The following MACROD2 variants were observed in gnomAD, a reference collection of about 807,000 sequenced individuals.
MACROD2 encodes the protein mono-ADP ribosylhydrolase 2.
Under a neutral mutation model 70.4 loss-of-function variants are expected in MACROD2, and 36 were observed. The ratio of observed to expected loss-of-function variants is 0.51; its 90% CI spans 0.39 to 0.68. The LOEUF is 0.68. MACROD2 is among the 30% of genes least tolerant of loss of function. MACROD2 has a pLI of 0.00. For missense variants in MACROD2, 496 were observed against 538.4 expected (o/e 0.92, Z 0.78); for synonymous variants, 172 against 178.8 (o/e 0.96, Z 0.30).
chr20:15,669,890 A>C (rs2049955631), intron 8 of MACROD2, among the ~76,000 whole-genome samples: 1 of 152,208 alleles, frequency 6.6e-6, no homozygotes, highest in South Asian at 2.1e-4. Context: ...GTTTTCCTTT[A>C]TAAACACGTA....
At chr20:14,468,719 C>T (rs1382058284) in intron 3 of MACROD2, among the ~76,000 whole-genome samples, 1 of 152,028 alleles carries the variant, frequency 6.6e-6, no homozygotes, top group East Asian at 1.9e-4. Flanking sequence ...ATCATGTTGA[C>T]CAGGCTGGTC....
chr20:15,318,151 G>T (rs2077834638), intron 6 of MACROD2, among the ~76,000 whole-genome samples: 1 of 152,040 alleles, frequency 6.6e-6, no homozygotes, highest in African/African-American at 2.4e-5. Context: ...TGAAAGTGGT[G>T]ACATTTCTAT....
chr20:14,656,265 A>C (rs1985970495), intron 4 of MACROD2, among the ~76,000 whole-genome samples: 1 of 152,196 alleles, frequency 6.6e-6, no homozygotes, highest in Non-Finnish European at 1.5e-5. Flanking sequence ...CACCCATTTT[A>C]TACTTCAGAG....
chr20:14,984,340 G>T (rs2074829553), intron 5 of MACROD2, among the ~76,000 whole-genome samples: 2 of 152,096 alleles, frequency 1.3e-5, no homozygotes, highest in Non-Finnish European at 2.9e-5. Context: ...AAAGGCAATA[G>T]GTTTTTGTTT....
intron 4 of MACROD2, among the ~76,000 whole-genome samples, chr20:14,618,400 T>TA (rs1186210202): frequency 6.6e-6 from 1 of 152,168 alleles, no homozygotes; most frequent in Non-Finnish European, 1.5e-5. Flanking sequence ...ACAAATTACT[T>TA]ACCTCTCAAT....
At chr20:14,455,788 A>G (rs2084294786) in intron 3 of MACROD2, among the ~76,000 whole-genome samples, 1 of 151,808 alleles carries the variant, frequency 6.6e-6, no homozygotes, top group South Asian at 2.1e-4. Flanking sequence ...TTAGTTTATA[A>G]AACTTAATCT....
intron 3 of MACROD2, among the ~76,000 whole-genome samples, chr20:14,166,534 T>A (rs1373949910): frequency 6.6e-6 from 1 of 152,208 alleles, no homozygotes; most frequent in Non-Finnish European, 1.5e-5. Flanking sequence ...TTAGTTTTAA[T>A]CCACAACTGA....
At chr20:15,595,099 A>G (rs1450665751) in intron 8 of MACROD2, among the ~76,000 whole-genome samples, 3 of 151,894 alleles carry the variant, frequency 2.0e-5, no homozygotes, top group African/African-American at 7.3e-5. Flanking sequence ...TTCTTTTTAC[A>G]TTTTCTTTTT....
chr20:15,881,054 G>A (rs148600947), intron 9 of MACROD2, among the ~76,000 whole-genome samples: 321 of 151,866 alleles, frequency 2.1e-3, no homozygotes, highest in Middle Eastern at 6.8e-3. Flanking sequence ...TTTCTATATC[G>A]TCCACTTTGT....
chr20:14,477,508 C>G (rs1354795575), intron 3 of MACROD2, among the ~76,000 whole-genome samples: 1 of 152,110 alleles, frequency 6.6e-6, no homozygotes, highest in Non-Finnish European at 1.5e-5. Flanking sequence ...AAGAATAGTT[C>G]CGTGTCCAAG....
At chr20:14,074,006 T>C (rs1471599967) in intron 2 of MACROD2, among the ~76,000 whole-genome samples, 1 of 152,196 alleles carries the variant, frequency 6.6e-6, no homozygotes, top group Non-Finnish European at 1.5e-5. Context: ...GAGAATCTCC[T>C]ATCCCAAATA....
intron 5 of MACROD2, among the ~76,000 whole-genome samples, chr20:15,018,764 C>T (rs2075141405): frequency 6.6e-6 from 1 of 152,146 alleles, no homozygotes; most frequent in South Asian, 2.1e-4. Flanking sequence ...ATCTGCCTTC[C>T]CCAGCCCACT....
Position 16,051,334 on chromosome 20 carries a change from T to C in MACROD2, c.*1458T>C, listed in dbSNP as rs548055624. 9.5e-4 allele frequency: 145 copies of C among 152,330 alleles called. No homozygotes were observed. Among genetic ancestry groups the C allele is most frequent in the African/African-American group, 3.4e-3 (142 of 41,590 alleles). The allele number at this position is 152,330 out of a possible 1,614,324, so 9.4% of individuals were successfully genotyped here. A position where few individuals can be genotyped will look rare whatever the true frequency, so the allele number is the denominator to read the frequency against. ...CTGCTTTCTAAATATCCCATCAAAA[T>C]CTTCAGTTTTGCACTTTTTTGATGG... is the stretch of plus-strand genomic sequence containing the variant. On this transcript the variant is annotated 3_prime_UTR_variant, in exon 18 of 18. Coordinates refer to ENST00000684519, the MANE Select transcript of MACROD2 (RefSeq NM_001351661.2).
chr20:15,486,011 T>C (rs1359541812), intron 7 of MACROD2, among the ~76,000 whole-genome samples: 3 of 152,216 alleles, frequency 2.0e-5, no homozygotes, highest in Non-Finnish European at 1.5e-5. Context: ...ATCCACTGTA[T>C]AGCAATTTGG....
At position 14,121,896 on chromosome 20, in the gene MACROD2, T is replaced by C. The variant is rs185844683; in HGVS notation, c.271+36168T>C. ...CTTCATTAATTTTATACCTCTTTTA[T>C]ATTGAAGTCTGTAATTGTTTGGTGT... On this transcript the variant is annotated intron_variant, in intron 3 of 17. Transcript: ENST00000684519. Among the ~76,000 whole-genome samples the C allele has an allele frequency of 6.6e-5, 10 of 152,310 alleles. No homozygotes were observed. The East Asian group carries it at 1.9e-3, about 29-fold the overall frequency.
intron 15 of MACROD2, among the ~76,000 whole-genome samples, chr20:16,024,196 G>C (rs1178698498): frequency 6.6e-6 from 1 of 152,144 alleles, no homozygotes; most frequent in East Asian, 1.9e-4. Flanking sequence ...ATACAAGTGT[G>C]GTTCATAGAA....
intron 5 of MACROD2, chr20:15,196,970 C>A (rs920324797): frequency 1.0e-6 from 1 of 985,212 alleles, no homozygotes; most frequent in Non-Finnish European, 1.2e-6. Context: ...CCTCAGGTAT[C>A]CAAAGAGCAC....
chr20:15,468,981 A>C (rs1472400220), intron 7 of MACROD2, among the ~76,000 whole-genome samples: 2 of 152,228 alleles, frequency 1.3e-5, no homozygotes, highest in African/African-American at 4.8e-5. Flanking sequence ...TTTTTGAAAC[A>C]CATTTCTATA....
intron 3 of MACROD2, among the ~76,000 whole-genome samples, chr20:14,158,958 C>T (rs1255962010): frequency 6.6e-6 from 1 of 152,044 alleles, no homozygotes; most frequent in African/African-American, 2.4e-5. Context: ...TAACATTGGC[C>T]AGGCATGGTG....
Sources: gnomAD v4.1 joint callset for allele counts (sites outside exome capture counted in the v4.1 genomes callset) on GRCh38, gnomAD v4.1.1 for gene constraint, MANE v1.5 for transcripts, NCBI Gene and HGNC (gene_info 2026-07-23, HGNC 2026-07-21) for gene names.